Variants in HIVEP1 observed in about 807,000 individuals in gnomAD.
The protein encoded by HIVEP1 is HIVEP zinc finger 1.
In HIVEP1, 36 loss-of-function variants were observed where a neutral mutation model predicts 180.0. The ratio of observed to expected loss-of-function variants is 0.20; its 90% CI spans 0.15 to 0.26. The LOEUF (loss-of-function observed/expected upper bound fraction) is 0.26. HIVEP1 is among the 10% of genes least tolerant of loss of function. HIVEP1 has a pLI of 1.00. For missense variants in HIVEP1, 3,143 were observed against 3,268.7 expected (o/e 0.96, Z 0.94); for synonymous variants, 1,239 against 1,239.0 (o/e 1.00, Z 0.00).
chr6:12,044,690 C>G (rs1770007611), intron 2 of HIVEP1, among the ~76,000 whole-genome samples: 1 of 151,322 alleles, frequency 6.6e-6, no homozygotes, highest in Non-Finnish European at 1.5e-5. Flanking sequence ...CTGTGTGCAG[C>G]TGAGGGCTTT....
chr6:12,171,551 C>G, the HIVEP1 span, among the ~76,000 whole-genome samples: 2 of 152,136 alleles, frequency 1.3e-5, no homozygotes, highest in Non-Finnish European at 2.9e-5. Flanking sequence ...GATAATCTGG[C>G]GGGTTCCTCA....
the HIVEP1 span, among the ~76,000 whole-genome samples, chr6:12,186,327 G>A: frequency 8.6e-5 from 13 of 151,180 alleles, no homozygotes; most frequent in Admixed American, 7.9e-4. Flanking sequence ...CTAAGTGAAA[G>A]AAGCCAGACA....
At chr6:12,211,998 A>G in the HIVEP1 span, among the ~76,000 whole-genome samples, 1 of 152,312 alleles carries the variant, frequency 6.6e-6, no homozygotes, top group Admixed American at 6.5e-5. Flanking sequence ...GAGTGATGGC[A>G]CCTCTGGCAA....
intron 3 of HIVEP1, among the ~76,000 whole-genome samples, chr6:12,104,396 T>TTCTCTCTCTC (rs70981664): frequency 2.0e-4 from 25 of 126,642 alleles, no homozygotes; most frequent in East Asian, 1.4e-3. Flanking sequence ...CTCTCTTCGT[T>TTCTCTCTCTC]TCTCTCTCTC....
At chr6:12,094,633 T>A (rs187823854) in intron 3 of HIVEP1, among the ~76,000 whole-genome samples, 1 of 152,106 alleles carries the variant, frequency 6.6e-6, no homozygotes, top group Non-Finnish European at 1.5e-5. Flanking sequence ...CTTACGTATC[T>A]TTAAACCAAT....
At position 12,123,754 on chromosome 6, in the gene HIVEP1, C is replaced by T; in HGVS notation, c.3959C>T (p.Ala1320Val). The T allele has an allele frequency of 6.2e-7, 1 of 1,614,160 alleles. No individual in the cohort carries two copies. Among genetic ancestry groups the T allele is most frequent in the South Asian group, 1.1e-5 (1 of 91,084 alleles). The change falls in exon 4 of 9, where the codon GCC (alanine) becomes GTC (valine). Residue 1320 changes from alanine (A) to valine (V), a missense_variant. Ala to Val is a moderately conservative substitution (Grantham distance 64). Coordinates refer to ENST00000379388, the MANE Select transcript of HIVEP1 (RefSeq NM_002114.4). ...SSLSHTSSFS[A>V]SLDIEDVSKT... ...TTATCTCACACTTCAAGTTTCTCAG[C>T]CTCTTTAGACATAGAGGACGTTTCT... is the stretch of plus-strand genomic sequence containing the variant.
Position 12,147,682 on chromosome 6 carries a change from A to G in HIVEP1, c.6487+11790A>G, listed in dbSNP as rs146039751. Reference sequence around the variant, plus strand: ...CCAAAGCCTTTTTTCTGGGTGGATGAGTGTTTTATAAAAGAAGTACCTCAG... The same window carrying G: ...CCAAAGCCTTTTTTCTGGGTGGATGGGTGTTTTATAAAAGAAGTACCTCAG... On this transcript the variant is annotated intron_variant, in intron 7 of 8. Coordinates refer to ENST00000379388, the MANE Select transcript of HIVEP1 (RefSeq NM_002114.4). Among the ~76,000 whole-genome samples, 130 of 152,280 alleles carry G rather than the reference A, an allele frequency of 8.5e-4. 2 individuals are homozygous for G. In the Middle Eastern group the frequency reaches 0.01, roughly 12 times the overall value.
upstream of HIVEP1, chr6:12,012,217 C>G (rs1767378879): frequency 6.9e-6 from 1 of 144,500 alleles, no homozygotes; most frequent in Admixed American, 6.8e-5. Flanking sequence ...CTCCTCCGCC[C>G]GGCGGCTGCG....
chr6:12,072,565 C>T (rs993953637), intron 2 of HIVEP1, among the ~76,000 whole-genome samples: 114 of 152,118 alleles, frequency 7.5e-4, no homozygotes, highest in African/African-American at 2.7e-3. Flanking sequence ...CTTCTATTCC[C>T]TTTTTCCAGC....
In HIVEP1 at chr6:12,115,350, C is replaced by CTTTTTTTTT. The variant is rs34074662; in HGVS notation, c.95-4521_95-4513dup. Among the ~76,000 whole-genome samples, 122 of 75,290 alleles carry CTTTTTTTTT rather than the reference C, an allele frequency of 1.6e-3. 11 individuals carry two copies. Among genetic ancestry groups the CTTTTTTTTT allele is most frequent in the African/African-American group, 5.1e-3 (94 of 18,516 alleles). The allele number at this position is 75,290 out of a possible 152,430, so 49.4% of individuals were successfully genotyped here. ...CTTAACTTATACTTCCCCAACTATT[C>CTTTTTTTTT]TTTTTTTTTTTTTTTTTTTTTTTTT... is the stretch of plus-strand genomic sequence containing the variant. On this transcript the variant is annotated intron_variant, in intron 3 of 8. Transcript: ENST00000379388.
At chr6:12,102,995 T>G (rs1270980112) in intron 3 of HIVEP1, among the ~76,000 whole-genome samples, 1 of 152,106 alleles carries the variant, frequency 6.6e-6, no homozygotes, top group East Asian at 1.9e-4. Context: ...AAAGTTATTT[T>G]AAAACATCAA....
At position 12,121,074 on chromosome 6, in the gene HIVEP1, T is replaced by C. The variant is rs766116990; in HGVS notation, c.1279T>C (p.Ser427Pro). 6.2e-7 allele frequency: 1 copy of C among 1,614,184 alleles called. No homozygotes were observed. The highest frequency in any genetic ancestry group is 1.1e-5 in the South Asian group (1 of 91,080). Residue 427 changes from serine (S) to proline (P), a missense_variant, in exon 4 of 9, where the codon TCC becomes CCC. Ser to Pro is a moderately conservative substitution (Grantham distance 74, BLOSUM62 -1). This residue lies in a region of HIVEP1 where 28 missense variants were observed against 73.6 expected (regional missense o/e 0.38). Transcript: ENST00000379388. This position sits in a 1 kb window ranked among gnomAD's most constrained non-coding sequence, Gnocchi z 5.3. ...KPSVLLKHIRSHTGERPYPCV... is the reference protein window; with the variant it reads ...KPSVLLKHIRPHTGERPYPCV... ...TAGTGTGCTTTTAAAGCATATCCGC[T>C]CCCACACTGGAGAGCGACCCTATCC...
chr6:12,165,877 C>T (rs1760688463), downstream of HIVEP1, among the ~76,000 whole-genome samples: 1 of 152,174 alleles, frequency 6.6e-6, no homozygotes, highest in African/African-American at 2.4e-5. Flanking sequence ...TGTGACTTTG[C>T]AAAGACCTGG....
At chr6:12,156,351 G>A (rs911286579) in intron 7 of HIVEP1, among the ~76,000 whole-genome samples, 10 of 152,006 alleles carry the variant, frequency 6.6e-5, no homozygotes, top group Admixed American at 2.6e-4. Context: ...TTCTTCTAGG[G>A]TTTTCATAGT....
At position 12,122,280 on chromosome 6, in the gene HIVEP1, C is replaced by T; in HGVS notation, c.2485C>T (p.Pro829Ser). The T allele has an allele frequency of 1.9e-6, 3 of 1,614,190 alleles. No homozygotes were observed. In the South Asian group the frequency reaches 3.3e-5, roughly 18 times the overall value. Residue 829 changes from proline to serine, a missense_variant, in exon 4 of 9, where the codon CCT becomes TCT. By Grantham distance (74) the Pro-to-Ser change is moderately conservative. This residue lies in a region of HIVEP1 where 204 missense variants were observed against 243.7 expected (regional missense o/e 0.84). Coordinates refer to ENST00000379388, the MANE Select transcript of HIVEP1 (RefSeq NM_002114.4). Reference sequence around the variant, plus strand: ...AAAGCAAGTGTTTCTTCTGTCTGTACCTTCACTTGACTGTTTACCTATCAC... The same window carrying T: ...AAAGCAAGTGTTTCTTCTGTCTGTATCTTCACTTGACTGTTTACCTATCAC... ...KSKQVFLLSV[P>S]SLDCLPITRS...
At chr6:12,083,226 T>C (rs763591069) in intron 2 of HIVEP1, among the ~76,000 whole-genome samples, 1 of 152,120 alleles carries the variant, frequency 6.6e-6, no homozygotes, top group Non-Finnish European at 1.5e-5. Flanking sequence ...CTTTTTAATA[T>C]AATATATGTT....
intron 2 of HIVEP1, among the ~76,000 whole-genome samples, chr6:12,070,312 G>A (rs1771885170): frequency 6.6e-6 from 1 of 152,152 alleles, no homozygotes; most frequent in South Asian, 2.1e-4. Flanking sequence ...CAGTGCAGTG[G>A]GTTTGTTTAC....
At chr6:12,115,340 C>T (rs1775145195) in intron 3 of HIVEP1, among the ~76,000 whole-genome samples, 1 of 145,742 alleles carries the variant, frequency 6.9e-6, no homozygotes. Context: ...CTTATACTTC[C>T]CCAACTATTC....
At chr6:12,014,090 T>G (rs1767582010) in intron 1 of HIVEP1, among the ~76,000 whole-genome samples, 1 of 152,226 alleles carries the variant, frequency 6.6e-6, no homozygotes, top group South Asian at 2.1e-4. Context: ...AGTTTAGTCC[T>G]TATAACAACC....
Sources: allele counts gnomAD v4.1 joint callset (sites outside exome capture counted in the v4.1 genomes callset), GRCh38; gene constraint gnomAD v4.1.1; regional missense constraint gnomAD v4.1.1; non-coding constraint Gnocchi (gnomAD v3.1); transcripts MANE v1.5; gene names NCBI Gene and HGNC (gene_info 2026-07-23, HGNC 2026-07-21).